The following CLN8 variants were observed in gnomAD, a reference collection of about 807,000 sequenced individuals.
CLN8 encodes protein CLN8.
Under a neutral mutation model 15.7 loss-of-function variants are expected in CLN8, and 14 were observed. That is an observed-to-expected ratio of 0.89 (90% confidence interval 0.59 to 1.39). The LOEUF is 1.39. Ranked by LOEUF, CLN8 falls within the 40% of genes most tolerant of loss-of-function variation. The probability of loss-of-function intolerance (pLI) is 0.00; values close to 1 mark genes in which losing one functional copy is unlikely to be tolerated. For missense variants in CLN8, 415 were observed against 364.0 expected (o/e 1.14, Z -1.14); for synonymous variants, 188 against 151.0 (o/e 1.25, Z -1.80).
At chr8:1,777,989 G>A (rs746159014) in intron 2 of CLN8, among the ~76,000 whole-genome samples, 2 of 152,262 alleles carry the variant, frequency 1.3e-5, no homozygotes, top group Non-Finnish European at 1.5e-5. Flanking sequence ...TAAAGGCGCT[G>A]AGCCCTGGGC....
intron 2 of CLN8, chr8:1,779,895 A>G: frequency 1.0e-6 from 1 of 960,892 alleles, no homozygotes; most frequent in South Asian, 4.8e-5. Flanking sequence ...CCAAATAAGT[A>G]TTGTTTATTT....
intron 2 of CLN8, among the ~76,000 whole-genome samples, chr8:1,775,657 A>T (rs947951026): frequency 8.5e-5 from 13 of 152,292 alleles, no homozygotes; most frequent in African/African-American, 2.9e-4. Flanking sequence ...ATTGTGAGGG[A>T]ATGGTGAGTG....
chr8:1,759,854 G>A (rs1800751325), upstream of CLN8: 1 of 152,210 alleles, frequency 6.6e-6, no homozygotes. Context: ...TAAAATCACA[G>A]ACGTTCTTTT....
intron 2 of CLN8, among the ~76,000 whole-genome samples, chr8:1,773,203 T>G (rs1269500720): frequency 1.3e-5 from 2 of 152,110 alleles, no homozygotes; most frequent in South Asian, 4.1e-4. Context: ...AGAGAAACCA[T>G]GGCCCCAGAT....
intron 1 of CLN8, 74 bp from the exon 2 acceptor site, chr8:1,770,858 T>A (rs1801268864): frequency 4.9e-6 from 3 of 613,522 alleles, no homozygotes; most frequent in Non-Finnish European, 8.7e-6. Context: ...TGTAGTTTAA[T>A]GTTTGCGTTA....
At chr8:1,756,856 T>C (rs185109320) in intron 1 of CLN8, among the ~76,000 whole-genome samples, 1 of 152,172 alleles carries the variant, frequency 6.6e-6, no homozygotes, top group East Asian at 1.9e-4. Flanking sequence ...TTAATTTTTG[T>C]ATTTTTAGTA....
intron 1 of CLN8, among the ~76,000 whole-genome samples, chr8:1,758,037 C>T (rs1297145227): frequency 1.3e-5 from 2 of 152,056 alleles, no homozygotes; most frequent in African/African-American, 4.8e-5. Context: ...AAGTAACACC[C>T]AGCATAGAGA....
chr8:1,755,265 G>GTTA (rs1800641856), upstream of CLN8, among the ~76,000 whole-genome samples: 3 of 152,204 alleles, frequency 2.0e-5, no homozygotes, highest in Non-Finnish European at 4.4e-5. Flanking sequence ...CTAACAGAGA[G>GTTA]GTTAGTCTAT....
chr8:1,755,097 G>A (rs1182774801), upstream of CLN8, among the ~76,000 whole-genome samples: 3 of 152,104 alleles, frequency 2.0e-5, no homozygotes, highest in Non-Finnish European at 4.4e-5. Context: ...CAAGACCTTC[G>A]TCATTCCATG....
intron 1 of CLN8, among the ~76,000 whole-genome samples, chr8:1,770,547 G>C (rs1801257132): frequency 6.6e-6 from 1 of 152,186 alleles, no homozygotes; most frequent in South Asian, 2.1e-4. Flanking sequence ...AACAGCAGAA[G>C]TTCAGTGCTG....
chr8:1,773,371 G>A (rs1801389022), intron 2 of CLN8, among the ~76,000 whole-genome samples: 1 of 152,214 alleles, frequency 6.6e-6, no homozygotes, highest in African/African-American at 2.4e-5. Flanking sequence ...CCTGGTGAGT[G>A]CGTGGTTTGG....
At position 1,773,174 on chromosome 8, in the gene CLN8, C is replaced by A. The variant is rs377156141; in HGVS notation, c.543+1577C>A. Among the ~76,000 whole-genome samples the A allele has an allele frequency of 1.5e-3, 221 of 152,258 alleles. 1 individual carries two copies. Among genetic ancestry groups the A allele is most frequent in the African/African-American group, 5.1e-3 (213 of 41,536 alleles). On this transcript the variant is annotated intron_variant, in intron 2 of 2. Coordinates refer to ENST00000331222, the MANE Select transcript of CLN8 (RefSeq NM_018941.4). ...TCTGGCACCAGATGGGGTGTGTGAG[C>A]ACAGTGACAGGAAAGTGCAGAGAAA...
At chr8:1,773,105 CAAG>C in intron 2 of CLN8, 1 of 394,188 alleles carries the variant, frequency 2.5e-6, no homozygotes, top group East Asian at 3.6e-5. Flanking sequence ...CCTGGGAACT[CAAG>C]GAGGAACTTG....
At chr8:1,760,222 A>C (rs2130950614), upstream of CLN8, 2 of 152,290 alleles carry the variant, frequency 1.3e-5, no homozygotes, top group African/African-American at 4.8e-5. Context: ...TGCCTGCGTC[A>C]GACACCTGTG....
chr8:1,774,257 G>C (rs1216451442), intron 2 of CLN8, among the ~76,000 whole-genome samples: 1 of 152,186 alleles, frequency 6.6e-6, no homozygotes, highest in Non-Finnish European at 1.5e-5. Flanking sequence ...TGTTTGTGTA[G>C]AATGGAGAAA....
chr8:1,762,759 G>C (rs1010574301), upstream of CLN8: 3 of 152,214 alleles, frequency 2.0e-5, no homozygotes, highest in African/African-American at 7.2e-5. Context: ...AAAAAAGCGA[G>C]GGTCCAAGGC....
intron 2 of CLN8, among the ~76,000 whole-genome samples, chr8:1,773,410 T>C (rs1801391639): frequency 6.6e-6 from 1 of 151,904 alleles, no homozygotes; most frequent in Non-Finnish European, 1.5e-5. Flanking sequence ...TGGGGGCCGG[T>C]GTGATTTGGG....
intron 1 of CLN8, among the ~76,000 whole-genome samples, chr8:1,765,938 C>T (rs1301422579): frequency 6.6e-6 from 1 of 152,104 alleles, no homozygotes; most frequent in Non-Finnish European, 1.5e-5. Context: ...TCCCTTTTGA[C>T]GTCACTTCCA....
In CLN8 at chr8:1,780,959, T is replaced by C. The variant is rs570893403; in HGVS notation, c.*392T>C. On this transcript the variant is annotated 3_prime_UTR_variant, in exon 3 of 3. Coordinates refer to ENST00000331222, the MANE Select transcript of CLN8 (RefSeq NM_018941.4). ...TTGACTCTTTCCAGCTGCACACTCATATGCCGTGTGTCTTATTCAGAAGTC... is the reference window on the plus strand; with the variant it reads ...TTGACTCTTTCCAGCTGCACACTCACATGCCGTGTGTCTTATTCAGAAGTC... 7.6e-6 allele frequency: 2 copies of C among 261,580 alleles called. No individual in the cohort carries two copies. Among genetic ancestry groups the C allele is most frequent in the East Asian group, 1.7e-4 (2 of 12,110 alleles). 16.2% of individuals were successfully genotyped at this position (261,580 alleles called of 1,614,324 possible).
Sources: gnomAD v4.1 joint callset for allele counts (sites outside exome capture counted in the v4.1 genomes callset) on GRCh38, gnomAD v4.1.1 for gene constraint, MANE v1.5 for transcripts, NCBI Gene and HGNC (gene_info 2026-07-23, HGNC 2026-07-21) for gene names.